SLC28A1: variants seen among roughly 807,000 people sequenced by gnomAD.
The protein encoded by SLC28A1 is sodium/nucleoside cotransporter 1.
In SLC28A1, 64 loss-of-function variants were observed where a neutral mutation model predicts 74.8. The ratio of observed to expected loss-of-function variants is 0.86; its 90% CI spans 0.70 to 1.05. The LOEUF is 1.05. SLC28A1 is among the 50% of genes least tolerant of loss of function. The probability of loss-of-function intolerance (pLI) is 0.00; values close to 1 mark genes in which losing one functional copy is unlikely to be tolerated. For synonymous variants in SLC28A1, 359 were observed against 335.0 expected, an observed-to-expected ratio of 1.07 and a Z score of -0.78; for missense variants, 828 against 822.8, an observed-to-expected ratio of 1.01 and a Z score of -0.08.
intron 6 of SLC28A1, among the ~76,000 whole-genome samples, chr15:84,897,172 G>A (rs542907091): frequency 6.6e-6 from 1 of 150,474 alleles, no homozygotes; most frequent in South Asian, 2.1e-4. Context: ...GTCAGGAGAT[G>A]GAGACCATCC....
At chr15:84,911,176 C>A (rs12910112) in intron 9 of SLC28A1, among the ~76,000 whole-genome samples, 20,187 of 152,286 alleles carry the variant, frequency 0.13, 1,767 homozygotes, top group Non-Finnish European at 0.18. Context: ...CATTGCTGGG[C>A]TTGCCTCTGT....
At chr15:84,885,978 A>G (rs1330365637) in intron 1 of SLC28A1, 2 of 216,514 alleles carry the variant, frequency 9.2e-6, no homozygotes, top group African/African-American at 4.7e-5. Context: ...TGCCGGTACT[A>G]GCAAGTATTT....
At chr15:84,961,374 C>T in the SLC28A1 span, among the ~76,000 whole-genome samples, 1 of 151,328 alleles carries the variant, frequency 6.6e-6, no homozygotes, top group Non-Finnish European at 1.5e-5. Flanking sequence ...CTCTGTTGCC[C>T]AAGCTGGGGT....
chr15:84,944,976 CTG>C, intron 18 of SLC28A1, 109 bp downstream of exon 18: 1 of 1,070,678 alleles, frequency 9.3e-7, no homozygotes, highest in Non-Finnish European at 1.4e-6. Flanking sequence ...AATGTTACGG[CTG>C]CAGCTAATGG....
intron 9 of SLC28A1, 46 bp from the exon 10 acceptor site, chr15:84,918,478 T>C (rs774592148): frequency 6.6e-7 from 1 of 1,519,482 alleles, no homozygotes; most frequent in African/African-American, 1.4e-5. Context: ...GCACCCTGCA[T>C]CCTGCCTGCC....
chr15:84,899,951 G>GGAAGGAAGGAAGGAAGGAAT (rs1966448284), intron 6 of SLC28A1, among the ~76,000 whole-genome samples: 1 of 134,662 alleles, frequency 7.4e-6, no homozygotes, highest in South Asian at 2.5e-4. Flanking sequence ...AAGGAAGGAA[G>GGAAGGAAGGAAGGAAGGAAT]GAAGGAAGGA....
chr15:84,887,678 G>A (rs543136169), intron 2 of SLC28A1, 67 bp from the exon 3 acceptor site: 177 of 1,585,070 alleles, frequency 1.1e-4, no homozygotes, highest in African/African-American at 1.3e-4. Context: ...CCCTTTCCCC[G>A]GGCCCCTAAA....
intron 12 of SLC28A1, chr15:84,926,663 G>A (rs1970543458): frequency 2.6e-6 from 1 of 391,996 alleles, no homozygotes. Context: ...AGCTGGGTAA[G>A]TTGCCCCACA....
intron 6 of SLC28A1, among the ~76,000 whole-genome samples, chr15:84,901,458 G>A (rs1966676978): frequency 6.6e-6 from 1 of 151,988 alleles, no homozygotes; most frequent in Admixed American, 6.6e-5. Context: ...AGTGAGCCAG[G>A]ATCTTGTGCC....
Position 84,935,362 on chromosome 15 carries a change from G to T in SLC28A1, c.1425G>T (p.Met475Ile). 1 of 1,614,240 alleles carries T rather than the reference G, an allele frequency of 6.2e-7. No homozygotes were observed. The highest frequency in any genetic ancestry group is 8.5e-7 in the Non-Finnish European group (1 of 1,180,044). Reference sequence around the variant, plus strand: ...TCCTGCGGCCTGTAGCCTTCTTGATGGGTGTGGCGTGGGAGGACTGCCCAG... The same window carrying T: ...TCCTGCGGCCTGTAGCCTTCTTGATTGGTGTGGCGTGGGAGGACTGCCCAG... ...SYILRPVAFLMGVAWEDCPVV... is the reference protein window; with the variant it reads ...SYILRPVAFLIGVAWEDCPVV... The change falls in exon 15 of 19, where the codon ATG (methionine) becomes ATT (isoleucine). Residue 475 changes from methionine to isoleucine, a missense_variant. By Grantham distance (10) the Met-to-Ile change is conservative. Transcript: ENST00000394573.
the SLC28A1 span, chr15:84,975,384 T>C: frequency 2.4e-6 from 1 of 413,064 alleles, no homozygotes; most frequent in Non-Finnish European, 5.0e-6. Context: ...TTCTAACTCA[T>C]GTCTTATTGC....
chr15:84,913,500 C>G (rs1310105946), intron 9 of SLC28A1, among the ~76,000 whole-genome samples: 2 of 152,190 alleles, frequency 1.3e-5, no homozygotes, highest in Non-Finnish European at 2.9e-5. Context: ...AGTGTGGTGT[C>G]CAGGTCAGCT....
At chr15:84,915,354 G>A (rs1440980670) in intron 9 of SLC28A1, among the ~76,000 whole-genome samples, 4 of 152,164 alleles carry the variant, frequency 2.6e-5, no homozygotes, top group East Asian at 3.9e-4. Flanking sequence ...CCAGCTGCCC[G>A]GGCAGAATCT....
intron 3 of SLC28A1, among the ~76,000 whole-genome samples, chr15:84,888,367 C>G (rs1171318351): frequency 6.6e-6 from 1 of 152,020 alleles, no homozygotes; most frequent in East Asian, 1.9e-4. Context: ...TCTTGGGGTG[C>G]TCCTTTCACG....
chr15:84,917,039 A>T (rs569429840), intron 9 of SLC28A1, among the ~76,000 whole-genome samples: 8,815 of 30,192 alleles, frequency 0.29, 615 homozygotes, highest in Middle Eastern at 0.46. Context: ...AAAAAAAAAA[A>T]ATAAATAAAA....
At chr15:84,949,165 A>G (rs1336212074), downstream of SLC28A1, among the ~76,000 whole-genome samples, 2 of 152,192 alleles carry the variant, frequency 1.3e-5, no homozygotes, top group South Asian at 4.1e-4. Flanking sequence ...CACATAACAC[A>G]TAGCAGGGTT....
chr15:84,967,380 T>C, the SLC28A1 span, among the ~76,000 whole-genome samples: 963 of 152,352 alleles, frequency 6.3e-3, 10 homozygotes, highest in African/African-American at 0.021. Context: ...CTCTCGCTTC[T>C]TTTAGCAAAA....
the SLC28A1 span, among the ~76,000 whole-genome samples, chr15:84,970,830 T>A: frequency 7.2e-6 from 1 of 138,284 alleles, no homozygotes; most frequent in Non-Finnish European, 1.5e-5. Context: ...AGACCTCATA[T>A]CTACAAAAAA....
chr15:84,897,221 C>CAA (rs57798365), intron 6 of SLC28A1, among the ~76,000 whole-genome samples: 46,710 of 136,392 alleles, frequency 0.34, 8,654 homozygotes, highest in South Asian at 0.6. Flanking sequence ...CTAAAAATAG[C>CAA]AAAAAAAAAA....
Sources: gnomAD v4.1 joint callset for allele counts (sites outside exome capture counted in the v4.1 genomes callset) on GRCh38, gnomAD v4.1.1 for gene constraint, MANE v1.5 for transcripts, NCBI Gene and HGNC (gene_info 2026-07-23, HGNC 2026-07-21) for gene names.